Variants in FAM217A observed in about 807,000 individuals in gnomAD.
FAM217A encodes family with sequence similarity 217 member A, also known as protein FAM217A.
Under a neutral mutation model 18.5 loss-of-function variants are expected in FAM217A, and 13 were observed. The observed-to-expected ratio is 0.70, with a 90% CI of 0.46 to 1.12. The LOEUF is 1.12. Ranked by LOEUF, FAM217A falls within the 50% of genes most tolerant of loss-of-function variation. The pLI is 0.00. For synonymous variants in FAM217A, 161 were observed against 202.8 expected (o/e 0.79, Z 1.75); for missense variants, 560 against 575.4 (o/e 0.97, Z 0.27).
upstream of FAM217A, chr6:4,079,619 G>GGCCCC: frequency 1.6e-6 from 2 of 1,281,922 alleles, no homozygotes; most frequent in Non-Finnish European, 2.0e-6. Context: ...CCGGGGCCCG[G>GGCCCC]CCCACCCGCC....
chr6:4,078,447 G>A (rs1018743404), intron 1 of FAM217A, among the ~76,000 whole-genome samples: 1 of 152,182 alleles, frequency 6.6e-6, no homozygotes, highest in Non-Finnish European at 1.5e-5. Context: ...AGAAATAGGA[G>A]ATTTAGTTTA....
At chr6:4,079,142 G>C (rs985590066), upstream of FAM217A, 2 of 339,446 alleles carry the variant, frequency 5.9e-6, no homozygotes, top group Admixed American at 9.7e-5. Context: ...CCCACCGGCC[G>C]GGTCTCCCGG....
intron 1 of FAM217A, among the ~76,000 whole-genome samples, chr6:4,085,662 C>T (rs1347158348): frequency 6.6e-6 from 1 of 152,152 alleles, no homozygotes. Flanking sequence ...GAATATTCTA[C>T]CCCCTTCTCC....
Position 4,078,873 on chromosome 6 carries a change from T to C in FAM217A, c.-56A>G, listed in dbSNP as rs755915014. 1.9e-6 allele frequency: 1 copy of C among 539,970 alleles called. No homozygotes were observed. The highest frequency in any genetic ancestry group is 3.3e-6 in the Non-Finnish European group (1 of 300,126). 33.4% of individuals were successfully genotyped at this position (539,970 alleles called of 1,614,324 possible). The stretch of plus-strand genomic sequence containing the variant: ...CCACCGCGCGAAGGCCCACGTGTCC[T>C]CCCCGGCGTGCTCTCCCGGTGCGCC... On this transcript the variant is annotated 5_prime_UTR_variant, in exon 1 of 7. Coordinates refer to ENST00000274673, the MANE Select transcript of FAM217A (RefSeq NM_173563.3).
exon 2 of FAM217A, chr6:4,084,595 G>A: frequency 1.4e-6 from 1 of 702,954 alleles, no homozygotes; most frequent in East Asian, 2.7e-5. Context: ...TGCCAGGAAA[G>A]GTGTAACTTG....
chr6:4,084,640 C>T (rs1314066837), exon 2 of FAM217A: 1 of 702,910 alleles, frequency 1.4e-6, no homozygotes, highest in Admixed American at 2.0e-5. Context: ...CCTCCCACCT[C>T]ATTTGTTGTG....
At position 4,069,264 on chromosome 6, in the gene FAM217A, C is replaced by T. The variant is rs138996355; in HGVS notation, c.959G>A (p.Arg320Gln). The T allele has an allele frequency of 2.8e-5, 45 of 1,614,060 alleles. No individual in the cohort carries two copies. Among genetic ancestry groups the T allele is most frequent in the African/African-American group, 5.3e-5 (4 of 75,004 alleles). Reference protein sequence around the residue: ...TTFCTPAVTERPSSSKATPKV... With the variant: ...TTFCTPAVTEQPSSSKATPKV... ...TGGTGTAGCTTTGGAGGAAGAGGGT[C>T]GTTCAGTAACTGCTGGAGTACAGAA... The change falls in exon 7 of 7, where the codon CGA becomes CAA. Residue 320 changes from arginine (R) to glutamine (Q), a missense_variant. By Grantham distance (43) the Arg-to-Gln change is conservative. Coordinates refer to ENST00000274673, the MANE Select transcript of FAM217A (RefSeq NM_173563.3).
chr6:4,079,622 C>A, upstream of FAM217A: 1 of 1,288,594 alleles, frequency 7.8e-7, no homozygotes, highest in Non-Finnish European at 1.0e-6. Context: ...GGGCCCGGCC[C>A]ACCCGCCTCC....
intron 2 of FAM217A, among the ~76,000 whole-genome samples, chr6:4,076,651 G>T (rs1213275695): frequency 6.6e-6 from 1 of 152,122 alleles, no homozygotes; most frequent in Non-Finnish European, 1.5e-5. Context: ...AGCCAAGGCG[G>T]GTGGATCACT....
upstream of FAM217A, among the ~76,000 whole-genome samples, chr6:4,081,623 A>G (rs1312216081): frequency 6.6e-6 from 1 of 152,196 alleles, no homozygotes; most frequent in African/African-American, 2.4e-5. Context: ...AGTTATTCCT[A>G]TTTTATAATT....
At chr6:4,086,048 G>T (rs549999709) in intron 1 of FAM217A, among the ~76,000 whole-genome samples, 3 of 151,812 alleles carry the variant, frequency 2.0e-5, no homozygotes, top group African/African-American at 7.3e-5. Context: ...CCAGGAGGTC[G>T]AGGCTACAGT....
rs140121063 is a variant in FAM217A at position 4,074,785 on chromosome 6, T to A, written c.61-124A>T. The A allele has an allele frequency of 1.7e-3, 1,142 of 685,418 alleles. 3 individuals carry two copies. Among genetic ancestry groups the A allele is most frequent in the Non-Finnish European group, 2.1e-3 (830 of 397,920 alleles). 42.5% of individuals were successfully genotyped at this position (685,418 alleles called of 1,614,324 possible). ...AAAGCTTCATGACTCTCACCCCTCA[T>A]TATAAAGAACTTATCAGCATCTTTG... On this transcript the variant is annotated intron_variant, in intron 2 of 6. Transcript: ENST00000274673.
In FAM217A at chr6:4,072,740, C is replaced by T. The variant is rs1370772435; in HGVS notation, c.302+535G>A. ...TTGCATCTTTGCACTCCAGCCTGGG[C>T]AACAAGAGCAAAACTCCGTCTCAAA... On this transcript the variant is annotated intron_variant, in intron 6 of 6. Coordinates refer to ENST00000274673, the MANE Select transcript of FAM217A (RefSeq NM_173563.3). Among the ~76,000 whole-genome samples the T allele has an allele frequency of 4.3e-5, 6 of 139,758 alleles. No individual in the cohort carries two copies. The East Asian group carries it at 1.3e-3, about 31-fold the overall frequency. The allele number at this position is 139,758 out of a possible 152,430, so 91.7% of individuals were successfully genotyped here. A position where few individuals can be genotyped will look rare whatever the true frequency, so the allele number is the denominator to read the frequency against.
At chr6:4,087,109 G>A (rs62394173), upstream of FAM217A, 31 of 402,248 alleles carry the variant, frequency 7.7e-5, no homozygotes, top group Non-Finnish European at 1.3e-4. Flanking sequence ...TTGGGGCCTC[G>A]TAGGTCTGTG....
chr6:4,071,324 G>C (rs1342053384), intron 6 of FAM217A, among the ~76,000 whole-genome samples: 1 of 152,158 alleles, frequency 6.6e-6, no homozygotes, highest in East Asian at 1.9e-4. Flanking sequence ...ATGGTATATT[G>C]AGGAGAAAAA....
At chr6:4,069,976 TA>T (rs1769297701) in intron 6 of FAM217A, 56 bp from the exon 7 acceptor site, 1 of 1,273,774 alleles carries the variant, frequency 7.9e-7, no homozygotes, top group Non-Finnish European at 1.1e-6. Flanking sequence ...AAAATGCTAT[TA>T]AAATGATACA....
chr6:4,069,930 ATAATT>A lies in FAM217A; in HGVS notation c.303-15_303-11del, dbSNP rs759705930. The A allele has an allele frequency of 4.6e-5, 70 of 1,512,280 alleles. No individual in the cohort carries two copies. The highest frequency in any genetic ancestry group is 5.3e-5 in the Non-Finnish European group (59 of 1,114,092). The allele number at this position is 1,512,280 out of a possible 1,614,324, so 93.7% of individuals were successfully genotyped here. On this transcript the variant is annotated splice_polypyrimidine_tract_variant and intron_variant, in intron 6 of 6. Coordinates refer to ENST00000274673, the MANE Select transcript of FAM217A (RefSeq NM_173563.3). Reference sequence around the variant, plus strand: ...AGATTTTTTGAATTCCCTTTAAAAAATAATTTAATTAATGAATGGTTTATTGACTA... The same window carrying A: ...AGATTTTTTGAATTCCCTTTAAAAAATAATTAATGAATGGTTTATTGACTA...
chr6:4,076,792 C>G (rs545997300), intron 2 of FAM217A, among the ~76,000 whole-genome samples: 2 of 152,248 alleles, frequency 1.3e-5, no homozygotes, highest in South Asian at 4.1e-4. Context: ...CGCTTGAACC[C>G]GGGAGGTGGG....
intron 2 of FAM217A, 44 bp from the exon 3 acceptor site, chr6:4,074,705 C>T: frequency 1.4e-6 from 2 of 1,402,098 alleles, no homozygotes; most frequent in Non-Finnish European, 2.0e-6. Context: ...ATTAAGAAAA[C>T]ATAAAAAGCT....
Sources: allele counts gnomAD v4.1 joint callset (sites outside exome capture counted in the v4.1 genomes callset), GRCh38; gene constraint gnomAD v4.1.1; transcripts MANE v1.5; gene names NCBI Gene and HGNC (gene_info 2026-07-23, HGNC 2026-07-21).